CARD10: variants seen among roughly 807,000 people sequenced by gnomAD.
CARD10 encodes the protein caspase recruitment domain-containing protein 10.
CARD10 carries 49 observed loss-of-function variants against 114.6 expected under a neutral mutation model. The observed-to-expected ratio is 0.43, with a 90% CI of 0.34 to 0.54. The LOEUF is 0.54. Among genes scored for constraint, CARD10 ranks in the 20% least tolerant of loss-of-function variants. The pLI is 0.03. For synonymous variants in CARD10, 602 were observed against 593.2 expected (o/e 1.01, Z -0.21); for missense variants, 1,206 against 1,397.2 (o/e 0.86, Z 2.18).
intron 4 of CARD10, among the ~76,000 whole-genome samples, 161 bp from the exon 5 acceptor site, chr22:37,508,843 C>T (rs1406061273): frequency 3.9e-5 from 6 of 152,182 alleles, no homozygotes; most frequent in East Asian, 1.9e-4. Context: ...GTCTCCCCAT[C>T]GGCAGAGTGG....
At chr22:37,491,577 G>A (rs1468708245) in intron 19 of CARD10, among the ~76,000 whole-genome samples, 178 bp downstream of exon 19, 1 of 1,234 alleles carries the variant, frequency 8.1e-4, no homozygotes, top group Non-Finnish European at 1.4e-3. Context: ...GGGGAGGGAG[G>A]GGGGAGGGAG....
chr22:37,506,939 A>T (rs1923433689), intron 6 of CARD10, among the ~76,000 whole-genome samples: 1 of 152,134 alleles, frequency 6.6e-6, no homozygotes, highest in Non-Finnish European at 1.5e-5. Flanking sequence ...TGAAGCCCCA[A>T]ATTTGCACTT....
chr22:37,507,954 A>G lies in CARD10; in HGVS notation c.1066T>C (p.Tyr356His). The G allele has an allele frequency of 1.9e-6, 3 of 1,614,036 alleles. No homozygotes were observed. The highest frequency in any genetic ancestry group is 2.5e-6 in the Non-Finnish European group (3 of 1,179,986). Residue 356 changes from tyrosine to histidine, a missense_variant and splice_region_variant, in exon 6 of 20, where the codon TAC (tyrosine) becomes CAC (histidine). Tyr to His is a moderately conservative substitution (Grantham distance 83). Coordinates refer to ENST00000251973, the MANE Select transcript of CARD10 (RefSeq NM_014550.4). Reference sequence around the variant, plus strand: ...CGCAGGTCTTCCATCTCCTGCAGGTACTGAGGGTGGCACGGGGCGGGGTCA... The same window carrying G: ...CGCAGGTCTTCCATCTCCTGCAGGTGCTGAGGGTGGCACGGGGCGGGGTCA... ...LQWAEELRDQ[Y>H]LQEMEDLRLK...
At chr22:37,511,294 G>A (rs1923631526) in intron 3 of CARD10, among the ~76,000 whole-genome samples, 1 of 147,878 alleles carries the variant, frequency 6.8e-6, no homozygotes, top group Non-Finnish European at 1.5e-5. Context: ...GGAGGTTGAG[G>A]CTGCAGTGAA....
chr22:37,492,929 G>A lies in CARD10; in HGVS notation c.2477-127C>T, dbSNP rs906710312. The stretch of plus-strand genomic sequence containing the variant: ...TCCTGCTGCTGCTCCTCCTACACAT[G>A]CACACACACACACCCTTAGTAGGAC... On this transcript the variant is annotated intron_variant, in intron 16 of 19. Transcript: ENST00000251973. This position sits in a 1 kb window ranked among gnomAD's most constrained non-coding sequence, Gnocchi z 5.7. 7.7e-5 allele frequency: 69 copies of A among 890,428 alleles called. No homozygotes were observed. Among genetic ancestry groups the A allele is most frequent in the East Asian group, 1.1e-4 (4 of 37,014 alleles). 55.2% of individuals were successfully genotyped at this position (890,428 alleles called of 1,614,324 possible). A position where few individuals can be genotyped will look rare whatever the true frequency, so the allele number is the denominator to read the frequency against.
chr22:37,498,905 T>TGG (rs57436795), intron 11 of CARD10, among the ~76,000 whole-genome samples: 6 of 75,616 alleles, frequency 7.9e-5, no homozygotes, highest in East Asian at 7.8e-4. Context: ...TGCTGGGGGG[T>TGG]GGGGGGGGGG....
In CARD10 at chr22:37,510,144, C is replaced by T. The variant is rs565337196; in HGVS notation, c.909+68G>A. ...CCACCCCGCAGCCTGTGCCCACAAGCCCCAGTACCTGCTGCAGGCCCTCCT... is the reference window on the plus strand; with the variant it reads ...CCACCCCGCAGCCTGTGCCCACAAGTCCCAGTACCTGCTGCAGGCCCTCCT... On this transcript the variant is annotated intron_variant, in intron 4 of 19. Transcript: ENST00000251973. 4 of 1,386,860 alleles carry T rather than the reference C, an allele frequency of 2.9e-6. 1 individual carries two copies. The South Asian group carries it at 4.7e-5, about 16-fold the overall frequency. The allele number at this position is 1,386,860 out of a possible 1,614,324, so 85.9% of individuals were successfully genotyped here. A position where few individuals can be genotyped will look rare whatever the true frequency, so the allele number is the denominator to read the frequency against.
intron 6 of CARD10, among the ~76,000 whole-genome samples, chr22:37,507,621 G>A (rs1044890966): frequency 6.6e-6 from 1 of 152,224 alleles, no homozygotes; most frequent in Non-Finnish European, 1.5e-5. Flanking sequence ...GAGCTCAGAT[G>A]AGGCCAGTGG....
chr22:37,496,824 C>T lies in CARD10; in HGVS notation c.1947+195G>A. The stretch of plus-strand genomic sequence containing the variant: ...TGTAACGTGCTGTCAGTTGGCTCCA[C>T]CTCCCAGTCCCTGCCCAATCAGACT... On this transcript the variant is annotated intron_variant, in intron 12 of 19. Coordinates refer to ENST00000251973, the MANE Select transcript of CARD10 (RefSeq NM_014550.4). This position sits in a 1 kb window ranked among gnomAD's most constrained non-coding sequence, Gnocchi z 4.1. The T allele has an allele frequency of 1.4e-6, 1 of 713,346 alleles. No individual in the cohort carries two copies. Among genetic ancestry groups the T allele is most frequent in the Non-Finnish European group, 2.3e-6 (1 of 428,200 alleles). 44.2% of individuals were successfully genotyped at this position (713,346 alleles called of 1,614,324 possible). A position where few individuals can be genotyped will look rare whatever the true frequency, so the allele number is the denominator to read the frequency against.
At chr22:37,508,983 C>A in intron 4 of CARD10, 1 of 1,548,296 alleles carries the variant, frequency 6.5e-7, no homozygotes, top group Non-Finnish European at 8.7e-7. Flanking sequence ...ACCAGGCACA[C>A]ACTCGTGCTC....
Position 37,491,022 on chromosome 22 carries a change from G to A in CARD10, c.*137C>T. ...CGGCAGGGCCAGAGACAGCCTTGGGGGTGAGAGGCCAGAGCCAAGGGCCCT... is the reference window on the plus strand; with the variant it reads ...CGGCAGGGCCAGAGACAGCCTTGGGAGTGAGAGGCCAGAGCCAAGGGCCCT... On this transcript the variant is annotated 3_prime_UTR_variant, in exon 20 of 20. Coordinates refer to ENST00000251973, the MANE Select transcript of CARD10 (RefSeq NM_014550.4). The A allele has an allele frequency of 1.4e-6, 1 of 691,868 alleles. No homozygotes were observed. Among genetic ancestry groups the A allele is most frequent in the Non-Finnish European group, 2.4e-6 (1 of 412,778 alleles). 42.9% of individuals were successfully genotyped at this position (691,868 alleles called of 1,614,324 possible).
chr22:37,511,466 A>G (rs1347311103), intron 3 of CARD10, among the ~76,000 whole-genome samples: 39 of 139,928 alleles, frequency 2.8e-4, no homozygotes, highest in African/African-American at 1.0e-3. Context: ...GGAGAAGGAG[A>G]AGGAGGAGGC....
At chr22:37,504,841 A>G in intron 7 of CARD10, 72 bp from the exon 8 acceptor site, 1 of 886,372 alleles carries the variant, frequency 1.1e-6, no homozygotes, top group South Asian at 3.1e-5. Flanking sequence ...TTTACTGAGC[A>G]CCTGCCATGT....
intron 19 of CARD10, 53 bp downstream of exon 19, chr22:37,491,702 A>C (rs2145749771): frequency 1.3e-6 from 1 of 775,310 alleles, no homozygotes; most frequent in Non-Finnish European, 2.0e-6. Flanking sequence ...ATCCTCAAGG[A>C]GGAAGCTCTC....
chr22:37,499,921 C>G (rs1163555304), intron 11 of CARD10, among the ~76,000 whole-genome samples: 1 of 152,072 alleles, frequency 6.6e-6, no homozygotes, highest in Admixed American at 6.5e-5. Flanking sequence ...TACTAGGAAG[C>G]ACAGTGTCCT....
In CARD10 at chr22:37,496,449, C is replaced by T; in HGVS notation, c.2059G>A (p.Ala687Thr). The change falls in exon 13 of 20, where the codon GCC becomes ACC. Residue 687 changes from alanine (A) to threonine (T), a missense_variant and splice_region_variant. Ala to Thr is a moderately conservative substitution (Grantham distance 58, BLOSUM62 0). Around this residue, in one of 2 missense-constraint regions of CARD10, gnomAD observed 1,068 missense variants for 1,179.1 expected, o/e 0.91. Transcript: ENST00000251973. The surrounding 1 kb of genome is among the most constrained non-coding windows in gnomAD (Gnocchi z 4.1). ...STLPSLMDSK[A>T]CQSFHEALEA... ...GCTCCGACTCCCAAGCCAGACTTAC[C>T]CTTCGAGTCCATCAGGGAGGGGAGT... is the stretch of plus-strand genomic sequence containing the variant. 6 of 1,608,740 alleles carry T rather than the reference C, an allele frequency of 3.7e-6. No homozygotes were observed. The highest frequency in any genetic ancestry group is 5.1e-6 in the Non-Finnish European group (6 of 1,175,804).
At chr22:37,510,500 C>G in intron 3 of CARD10, 79 bp from the exon 4 acceptor site, 1 of 1,323,768 alleles carries the variant, frequency 7.6e-7, no homozygotes, top group Non-Finnish European at 1.1e-6. Flanking sequence ...GACCTGCTCC[C>G]TCACTCCTGG....
At chr22:37,512,909 A>G (rs1923711096) in intron 3 of CARD10, among the ~76,000 whole-genome samples, 1 of 152,082 alleles carries the variant, frequency 6.6e-6, no homozygotes, top group Non-Finnish European at 1.5e-5. Flanking sequence ...TTAAATTTGC[A>G]CCTTATAAAA....
In CARD10 at chr22:37,494,547, A is replaced by G. The variant is rs1922925245; in HGVS notation, c.2374-359T>C. The G allele has an allele frequency of 2.4e-5, 7 of 296,070 alleles. No homozygotes were observed. The South Asian group carries it at 4.0e-4, about 17-fold the overall frequency. The allele number at this position is 296,070 out of a possible 1,614,324, so 18.3% of individuals were successfully genotyped here. On this transcript the variant is annotated intron_variant, in intron 15 of 19. Transcript: ENST00000251973. ...CGAGGCAAACTTTAGGGTCTCTTCC[A>G]ATGAATTAGCAATGTGACCTTGGTA...
Sources: gnomAD v4.1 joint callset for allele counts (sites outside exome capture counted in the v4.1 genomes callset) on GRCh38, gnomAD v4.1.1 for gene constraint, gnomAD v4.1.1 regional missense constraint, Gnocchi (gnomAD v3.1) non-coding constraint, MANE v1.5 for transcripts, NCBI Gene and HGNC (gene_info 2026-07-23, HGNC 2026-07-21) for gene names.